The following ZNF462 variants were observed in gnomAD, a reference collection of about 807,000 sequenced individuals.
The protein encoded by ZNF462 is zinc finger PBX1-interacting protein.
In ZNF462, 10 loss-of-function variants were observed where a neutral mutation model predicts 201.9. That is an observed-to-expected ratio of 0.05 (90% CI 0.03 to 0.08). The LOEUF (loss-of-function observed/expected upper bound fraction) is 0.08, where lower values mean the gene tolerates loss of function less well. Ranked by LOEUF, ZNF462 falls within the 10% of genes least tolerant of loss-of-function variation. The pLI is 1.00. For synonymous variants in ZNF462, 1,227 were observed against 1,193.3 expected (o/e 1.03, Z -0.58); for missense variants, 2,523 against 3,168.3 (o/e 0.80, Z 4.89).
Position 106,923,272 on chromosome 9 carries a change from A to G in ZNF462, c.-30-82A>G, listed in dbSNP as rs1830056945. On this transcript the variant is annotated intron_variant, in intron 1 of 12. Transcript: ENST00000277225. The surrounding 1 kb of genome is among the most constrained non-coding windows in gnomAD (Gnocchi z 5.6). Reference sequence around the variant, plus strand: ...TCTACTGATACTGGAATTTTTTCCCATTAATGGATATATAGCCCCATCAGC... The same window carrying G: ...TCTACTGATACTGGAATTTTTTCCCGTTAATGGATATATAGCCCCATCAGC... 2.9e-6 allele frequency: 3 copies of G among 1,047,388 alleles called. No homozygotes were observed. The highest frequency in any genetic ancestry group is 4.3e-6 in the Non-Finnish European group (3 of 699,538). The allele number at this position is 1,047,388 out of a possible 1,614,324, so 64.9% of individuals were successfully genotyped here.
rs150943435 is a variant in ZNF462, at chr9:106,980,992, C to G, written c.6833-3194C>G. 1.5e-3 allele frequency among the ~76,000 whole-genome samples: 236 copies of G among 152,282 alleles called. 1 individual carries two copies. The South Asian group carries it at 0.026, about 16-fold the overall frequency. The stretch of plus-strand genomic sequence containing the variant: ...TTCATTTGCCTCAAGAATGAATGAC[C>G]TCATTCAGAAAACACTGTCAGTCAT... On this transcript the variant is annotated intron_variant, in intron 9 of 12. Transcript: ENST00000277225.
chr9:106,864,039 G>GCTCGCGCTCTCTCT (rs1827179488), intron 1 of ZNF462, among the ~76,000 whole-genome samples: 6 of 22,760 alleles, frequency 2.6e-4, no homozygotes, highest in Middle Eastern at 0.026. Flanking sequence ...CAGGTATTTG[G>GCTCGCGCTCTCTCT]CTCTCTCTCT....
intron 10 of ZNF462, among the ~76,000 whole-genome samples, chr9:107,001,646 T>C (rs1204939938): frequency 2.0e-5 from 3 of 152,122 alleles, no homozygotes; most frequent in Non-Finnish European, 4.4e-5. Context: ...CAAGCAAAAG[T>C]CCTTTGGAAA....
chr9:106,965,149 A>C, intron 7 of ZNF462, among the ~76,000 whole-genome samples: 1 of 152,178 alleles, frequency 6.6e-6, no homozygotes, highest in African/African-American at 2.4e-5. Context: ...ATTTCAGCTG[A>C]GTTTTGAAGG....
At chr9:106,862,456 G>A (rs574506735), upstream of ZNF462, among the ~76,000 whole-genome samples, 22 of 152,008 alleles carry the variant, frequency 1.4e-4, no homozygotes, top group East Asian at 3.9e-3. This position sits in a 1 kb window ranked among gnomAD's most constrained non-coding sequence, Gnocchi z 4.2. Flanking sequence ...CGCACGCCTC[G>A]GCCCGGCGGC....
In ZNF462 at chr9:106,913,072, C is replaced by T. The variant is rs1430058975; in HGVS notation, c.-30-10282C>T. Among the ~76,000 whole-genome samples, 2 of 152,086 alleles carry T rather than the reference C, an allele frequency of 1.3e-5. No individual in the cohort carries two copies. Among genetic ancestry groups the T allele is most frequent in the South Asian group, 4.2e-4 (2 of 4,818 alleles). ...GTCACATCAGTTCAGGGTAGCTTAGCGGTGTTATAAACACATAGGTGGAAC... is the reference window on the plus strand; with the variant it reads ...GTCACATCAGTTCAGGGTAGCTTAGTGGTGTTATAAACACATAGGTGGAAC... On this transcript the variant is annotated intron_variant, in intron 1 of 12. Transcript: ENST00000277225. The surrounding 1 kb of genome is among the most constrained non-coding windows in gnomAD (Gnocchi z 4.1).
At chr9:107,001,922 C>T (rs1254702302) in intron 10 of ZNF462, among the ~76,000 whole-genome samples, 1 of 152,040 alleles carries the variant, frequency 6.6e-6, no homozygotes, top group Admixed American at 6.6e-5. Flanking sequence ...AGAGGTTTTT[C>T]CCTGAGTTCT....
At position 106,933,128 on chromosome 9, in the gene ZNF462, AAG is replaced by A. The variant is rs150878134; in HGVS notation, c.6116+582_6116+583del. 2,250 of 156,836 alleles carry A rather than the reference AAG, an allele frequency of 0.014. 26 individuals carry two copies. The highest frequency in any genetic ancestry group is 0.025 in the Non-Finnish European group (1,738 of 70,638). 9.7% of individuals were successfully genotyped at this position (156,836 alleles called of 1,614,324 possible). A position where few individuals can be genotyped will look rare whatever the true frequency, so the allele number is the denominator to read the frequency against. On this transcript the variant is annotated intron_variant, in intron 5 of 12. Coordinates refer to ENST00000277225, the MANE Select transcript of ZNF462 (RefSeq NM_021224.6). This position sits in a 1 kb window ranked among gnomAD's most constrained non-coding sequence, Gnocchi z 4.3. ...GTGTAAGGCTTTTTGGGGCCATGGA[AAG>A]AGGGGTGGTTTTAAGAACAACTTTT...
At chr9:106,906,463 T>C (rs985278883) in intron 1 of ZNF462, among the ~76,000 whole-genome samples, 14 of 152,200 alleles carry the variant, frequency 9.2e-5, no homozygotes, top group African/African-American at 3.1e-4. Flanking sequence ...GAGCAATGTG[T>C]TGATTGAGAA....
chr9:106,916,485 T>G (rs1334647859), intron 1 of ZNF462, among the ~76,000 whole-genome samples: 1 of 152,190 alleles, frequency 6.6e-6, no homozygotes, highest in Non-Finnish European at 1.5e-5. Flanking sequence ...GAAAAGTGTC[T>G]GTAGAAACCC....
At chr9:106,908,033 C>CTT (rs1173181937) in intron 1 of ZNF462, among the ~76,000 whole-genome samples, 1 of 151,420 alleles carries the variant, frequency 6.6e-6, no homozygotes, top group African/African-American at 2.4e-5. Flanking sequence ...TTTAACATAC[C>CTT]TTTATTTCAC....
intron 1 of ZNF462, among the ~76,000 whole-genome samples, chr9:106,911,653 A>G (rs1237809058): frequency 3.9e-5 from 6 of 152,218 alleles, no homozygotes; most frequent in African/African-American, 1.4e-4. Flanking sequence ...TTCCAAAAGC[A>G]GGTAAAAGTG....
intron 1 of ZNF462, among the ~76,000 whole-genome samples, chr9:106,863,559 G>A (rs574601725): frequency 2.0e-4 from 30 of 149,944 alleles, no homozygotes; most frequent in Non-Finnish European, 2.7e-4. Context: ...AGGAGGGAGA[G>A]CAGGAGGGGG....
chr9:106,912,676 T>C (rs1829600352), intron 1 of ZNF462, among the ~76,000 whole-genome samples: 1 of 152,202 alleles, frequency 6.6e-6, no homozygotes, highest in Non-Finnish European at 1.5e-5. Flanking sequence ...GTTATTTTTC[T>C]TGAGACTTCA....
intron 1 of ZNF462, among the ~76,000 whole-genome samples, chr9:106,877,417 C>A (rs1827882982): frequency 7.0e-6 from 1 of 142,852 alleles, no homozygotes; most frequent in Admixed American, 7.6e-5. Flanking sequence ...GAGATAAGAT[C>A]TTGCGCTGTT....
intron 9 of ZNF462, chr9:106,976,381 A>T (rs1471365701): frequency 6.6e-6 from 1 of 152,212 alleles, no homozygotes; most frequent in Non-Finnish European, 1.5e-5. Flanking sequence ...AATCCTAGAC[A>T]CTGAAACCTA....
Position 106,880,637 on chromosome 9 carries a change from A to T in ZNF462, c.-31+17282A>T, listed in dbSNP as rs1828050054. Among the ~76,000 whole-genome samples the T allele has an allele frequency of 6.6e-6, 1 of 152,142 alleles. No homozygotes were observed. Among genetic ancestry groups the T allele is most frequent in the African/African-American group, 2.4e-5 (1 of 41,420 alleles). On this transcript the variant is annotated intron_variant, in intron 1 of 12. Transcript: ENST00000277225. This position sits in a 1 kb window ranked among gnomAD's most constrained non-coding sequence, Gnocchi z 4.1. ...TAGAATAGAAAGAGTGGTTGTTGGGATATATTTTTATTAATGGTTTAAGTT... is the reference window on the plus strand; with the variant it reads ...TAGAATAGAAAGAGTGGTTGTTGGGTTATATTTTTATTAATGGTTTAAGTT...
At position 106,903,821 on chromosome 9, in the gene ZNF462, G is replaced by A. The variant is rs530197811; in HGVS notation, c.-30-19533G>A. Reference sequence around the variant, plus strand: ...AATTTATGTAAGTCCTTATGTGTTAGTTGAGTCTCCTGAAGGCAGCAGATA... The same window carrying A: ...AATTTATGTAAGTCCTTATGTGTTAATTGAGTCTCCTGAAGGCAGCAGATA... On this transcript the variant is annotated intron_variant, in intron 1 of 12. Transcript: ENST00000277225. 4.6e-5 allele frequency among the ~76,000 whole-genome samples: 7 copies of A among 152,216 alleles called. No individual in the cohort carries two copies. The South Asian group carries it at 1.2e-3, about 27-fold the overall frequency.
Position 106,917,558 on chromosome 9 carries a change from A to T in ZNF462, c.-30-5796A>T, listed in dbSNP as rs573178504. Among the ~76,000 whole-genome samples the T allele has an allele frequency of 2.6e-5, 4 of 152,276 alleles. No individual in the cohort carries two copies. The South Asian group carries it at 8.3e-4, about 32-fold the overall frequency. On this transcript the variant is annotated intron_variant, in intron 1 of 12. Coordinates refer to ENST00000277225, the MANE Select transcript of ZNF462 (RefSeq NM_021224.6). This position sits in a 1 kb window ranked among gnomAD's most constrained non-coding sequence, Gnocchi z 4.5. ...GGGTTACATATGTGATTGCAAATTA[A>T]TCCTTTCTCTTCTGAAAATTTGGTT... is the stretch of plus-strand genomic sequence containing the variant.
Sources: allele counts gnomAD v4.1 joint callset (sites outside exome capture counted in the v4.1 genomes callset), GRCh38; gene constraint gnomAD v4.1.1; non-coding constraint Gnocchi (gnomAD v3.1); transcripts MANE v1.5; gene names NCBI Gene and HGNC (gene_info 2026-07-23, HGNC 2026-07-21).